The following FCHO2 variants were observed in gnomAD, a reference collection of about 807,000 sequenced individuals.
The protein encoded by FCHO2 is F-BAR domain only protein 2.
FCHO2 carries 43 observed loss-of-function variants against 114.1 expected under a neutral mutation model. The observed-to-expected ratio is 0.38, with a 90% CI of 0.30 to 0.49. FCHO2 has a LOEUF of 0.49. Ranked by LOEUF, FCHO2 falls within the 20% of genes least tolerant of loss-of-function variation. The pLI, the probability that FCHO2 is intolerant of heterozygous loss-of-function variation, is 0.97. For missense variants in FCHO2, 807 were observed against 950.4 expected, an observed-to-expected ratio of 0.85 and a Z score of 1.98; for synonymous variants, 293 against 315.2, an observed-to-expected ratio of 0.93 and a Z score of 0.75.
chr5:73,083,614 C>T lies in FCHO2; in HGVS notation c.2245+789C>T, dbSNP rs138703741. On this transcript the variant is annotated intron_variant, in intron 24 of 25. Transcript: ENST00000430046. ...GGCTTTAAAAAGCCCCTTGCCGTCC[C>T]GGCACAGTGGCTCACGCTTGTAATC... Among the ~76,000 whole-genome samples, 283 of 152,118 alleles carry T rather than the reference C, an allele frequency of 1.9e-3. 3 individuals carry two copies. Among genetic ancestry groups the T allele is most frequent in the African/African-American group, 6.4e-3 (266 of 41,546 alleles).
chr5:73,034,821 C>T, intron 9 of FCHO2, 120 bp downstream of exon 9: 1 of 689,388 alleles, frequency 1.5e-6, no homozygotes, highest in South Asian at 4.2e-5. Context: ...GAATGGAATG[C>T]TGTAAAAATC....
chr5:72,980,705 C>G (rs938724965), intron 2 of FCHO2, among the ~76,000 whole-genome samples: 3 of 152,048 alleles, frequency 2.0e-5, no homozygotes, highest in Non-Finnish European at 4.4e-5. Flanking sequence ...ATGTAATGGC[C>G]TTTGTCTCTT....
chr5:73,064,829 C>A (rs1030264056), intron 18 of FCHO2, among the ~76,000 whole-genome samples: 1 of 152,004 alleles, frequency 6.6e-6, no homozygotes, highest in South Asian at 2.1e-4. Context: ...TTCTATGTCA[C>A]AAATTGACTT....
At chr5:72,998,629 G>A (rs1326241123) in intron 5 of FCHO2, among the ~76,000 whole-genome samples, 1 of 151,334 alleles carries the variant, frequency 6.6e-6, no homozygotes, top group Non-Finnish European at 1.5e-5. Flanking sequence ...ACTATCCAGA[G>A]GATTAAAGTA....
intron 10 of FCHO2, chr5:73,037,730 T>G (rs1430233109): frequency 2.5e-6 from 1 of 394,546 alleles, no homozygotes; most frequent in South Asian, 1.9e-5. Context: ...AGATGGAATA[T>G]TTGGTCCACT....
intron 19 of FCHO2, among the ~76,000 whole-genome samples, chr5:73,072,264 G>A (rs76895026): frequency 0.038 from 5,764 of 152,138 alleles, 165 homozygotes; most frequent in Non-Finnish European, 0.061. Context: ...ACAAATGTTG[G>A]TGAGGATGTG....
rs777406880 is a variant in FCHO2 at position 73,078,322 on chromosome 5, A to G, written c.1980+10A>G. On this transcript the variant is annotated intron_variant, in intron 22 of 25. Coordinates refer to ENST00000430046, the MANE Select transcript of FCHO2 (RefSeq NM_138782.3). ...TGTATTAAAGTATCAGGTGAGTGTC[A>G]CGACATTGCAAAAATTCTAAATTAA... The G allele has an allele frequency of 8.2e-6, 13 of 1,579,602 alleles. No homozygotes were observed. Among genetic ancestry groups the G allele is most frequent in the South Asian group, 1.2e-5 (1 of 82,664 alleles).
At chr5:72,987,903 G>C (rs1431691454) in intron 2 of FCHO2, among the ~76,000 whole-genome samples, 1 of 152,122 alleles carries the variant, frequency 6.6e-6, no homozygotes, top group Non-Finnish European at 1.5e-5. Flanking sequence ...GATTAGTTTA[G>C]ATATTCTGAG....
At chr5:73,077,308 T>C (rs752912653) in intron 20 of FCHO2, 30 bp from the exon 21 acceptor site, 1 of 1,541,722 alleles carries the variant, frequency 6.5e-7, no homozygotes, top group South Asian at 1.2e-5. Flanking sequence ...GAGCATTTTA[T>C]TTAAACACTT....
At chr5:73,043,396 T>G (rs1244474081) in intron 11 of FCHO2, among the ~76,000 whole-genome samples, 1 of 140,574 alleles carries the variant, frequency 7.1e-6, no homozygotes, top group Non-Finnish European at 1.6e-5. Flanking sequence ...TAACAAAACT[T>G]TACACACACA....
rs538985580 is a variant in FCHO2, at chr5:72,990,990, C to G, written c.495+126C>G. 8 of 1,026,400 alleles carry G rather than the reference C, an allele frequency of 7.8e-6. No homozygotes were observed. In the East Asian group the frequency reaches 1.9e-4, roughly 24 times the overall value. 63.6% of individuals were successfully genotyped at this position (1,026,400 alleles called of 1,614,324 possible). A position where few individuals can be genotyped will look rare whatever the true frequency, so the allele number is the denominator to read the frequency against. ...GATGAAGACACTGTGCCTTACAGTC[C>G]TAGTGATTACCCAAGTAAAACACAG... On this transcript the variant is annotated intron_variant, in intron 5 of 25. Transcript: ENST00000430046.
At chr5:73,025,375 ATT>A (rs367615996) in intron 8 of FCHO2, among the ~76,000 whole-genome samples, 25 of 100,490 alleles carry the variant, frequency 2.5e-4, no homozygotes, top group Admixed American at 4.3e-4. Flanking sequence ...CACCCAGCTA[ATT>A]TTTTTTTTTT....
intron 8 of FCHO2, chr5:73,020,850 T>A: frequency 1.0e-6 from 1 of 953,594 alleles, no homozygotes; most frequent in Non-Finnish European, 1.7e-6. Context: ...CTGAGATATT[T>A]ACTCTGACCA....
intron 23 of FCHO2, among the ~76,000 whole-genome samples, chr5:73,082,438 TTTA>T (rs1561498773): frequency 4.6e-5 from 7 of 152,272 alleles, no homozygotes; most frequent in Non-Finnish European, 7.4e-5. Flanking sequence ...CTAACCGCTC[TTTA>T]TAGTTACTTC....
intron 6 of FCHO2, among the ~76,000 whole-genome samples, chr5:73,013,350 A>G (rs1050570795): frequency 3.3e-5 from 5 of 152,180 alleles, no homozygotes; most frequent in African/African-American, 9.7e-5. Context: ...AAATTTAGAC[A>G]TTAAATATAG....
At position 73,085,473 on chromosome 5, in the gene FCHO2, C is replaced by T. The variant is rs186922198; in HGVS notation, c.2246-2116C>T. On this transcript the variant is annotated intron_variant, in intron 24 of 25. Transcript: ENST00000430046. ...GTGGTTTTTGATGTGGTTAGTCAAG[C>T]CTTTGAAAAGAATATCCAAGGCCAG... Among the ~76,000 whole-genome samples the T allele has an allele frequency of 8.2e-4, 124 of 152,078 alleles. 1 individual carries two copies. The highest frequency in any genetic ancestry group is 3.4e-3 in the Middle Eastern group (1 of 294).
At chr5:73,080,383 T>G (rs1164802782) in intron 22 of FCHO2, among the ~76,000 whole-genome samples, 1 of 152,202 alleles carries the variant, frequency 6.6e-6, no homozygotes, top group Non-Finnish European at 1.5e-5. Context: ...GATGTAACCT[T>G]TAATTCAACA....
At chr5:72,995,016 G>A (rs1163683185) in intron 5 of FCHO2, among the ~76,000 whole-genome samples, 2 of 152,070 alleles carry the variant, frequency 1.3e-5, no homozygotes, top group African/African-American at 4.8e-5. Flanking sequence ...GTCAGTTACT[G>A]TGCTTATTAC....
Position 72,968,531 on chromosome 5 carries a change from C to A in FCHO2, c.67C>A (p.His23Asn). The A allele has an allele frequency of 6.5e-7, 1 of 1,545,842 alleles. No homozygotes were observed. The highest frequency in any genetic ancestry group is 8.7e-7 in the Non-Finnish European group (1 of 1,154,396). Reference protein sequence around the residue: ...EKNSGFDVLYHNMKHGQISTK... With the variant: ...EKNSGFDVLYNNMKHGQISTK... The stretch of plus-strand genomic sequence containing the variant: ...AAATAGTGGCTTTGATGTCCTCTAC[C>A]ATAATATGAAACATGGACAGATATC... Residue 23 changes from histidine to asparagine, a missense_variant, in exon 2 of 26, where the codon CAT becomes AAT. Physicochemically the swap from His to Asn is moderately conservative, Grantham distance 68. Coordinates refer to ENST00000430046, the MANE Select transcript of FCHO2 (RefSeq NM_138782.3).
Sources: gnomAD v4.1 joint callset for allele counts (sites outside exome capture counted in the v4.1 genomes callset) on GRCh38, gnomAD v4.1.1 for gene constraint, MANE v1.5 for transcripts, NCBI Gene and HGNC (gene_info 2026-07-23, HGNC 2026-07-21) for gene names.